The following AOPEP variants were observed in gnomAD, a reference collection of about 807,000 sequenced individuals.
AOPEP encodes aminopeptidase O (putative).
Under a neutral mutation model 98.1 loss-of-function variants are expected in AOPEP, and 77 were observed. That is an observed-to-expected ratio of 0.78 (90% CI 0.65 to 0.95). The LOEUF (loss-of-function observed/expected upper bound fraction) is 0.95. AOPEP is among the 40% of genes least tolerant of loss of function. The pLI, the probability that AOPEP is intolerant of heterozygous loss-of-function variation, is 0.00. For missense variants in AOPEP, 1,024 were observed against 1,024.7 expected (o/e 1.00, Z 0.01); for synonymous variants, 346 against 365.3 (o/e 0.95, Z 0.60).
intron 5 of AOPEP, among the ~76,000 whole-genome samples, chr9:94,843,957 T>C (rs532734153): frequency 5.4e-4 from 82 of 152,358 alleles, no homozygotes; most frequent in African/African-American, 1.8e-3. Flanking sequence ...GGTAAAGTTA[T>C]TACTTCATCT....
intron 5 of AOPEP, among the ~76,000 whole-genome samples, chr9:94,912,659 G>A (rs979601760): frequency 4.6e-5 from 7 of 152,208 alleles, no homozygotes; most frequent in Non-Finnish European, 7.3e-5. Context: ...AGCTAGCAGA[G>A]ACTAAAGAGT....
At chr9:95,016,406 G>A (rs149721346) in intron 13 of AOPEP, among the ~76,000 whole-genome samples, 2 of 150,268 alleles carry the variant, frequency 1.3e-5, no homozygotes, top group Admixed American at 1.3e-4. Flanking sequence ...ACCACGCCTG[G>A]CTAATTTTTG....
chr9:95,016,245 A>ATTTTT (rs532120566), intron 13 of AOPEP, among the ~76,000 whole-genome samples: 2 of 123,654 alleles, frequency 1.6e-5, no homozygotes, highest in East Asian at 2.3e-4. Context: ...TTCTCTTGTG[A>ATTTTT]TTTTTTTTTT....
intron 13 of AOPEP, among the ~76,000 whole-genome samples, chr9:95,029,212 C>T (rs1406954104): frequency 6.6e-6 from 1 of 152,188 alleles, no homozygotes; most frequent in African/African-American, 2.4e-5. Flanking sequence ...AGAAGACCAG[C>T]CACACATTTC....
chr9:94,867,410 T>G (rs1396832781), intron 5 of AOPEP, among the ~76,000 whole-genome samples: 3 of 152,214 alleles, frequency 2.0e-5, no homozygotes, highest in Non-Finnish European at 4.4e-5. Context: ...CTGTTTGCTT[T>G]CAGAGGTCAC....
At chr9:95,099,933 G>C in the AOPEP span, 1 of 232,600 alleles carries the variant, frequency 4.3e-6, no homozygotes, top group East Asian at 6.1e-5. Flanking sequence ...CCTGTACACA[G>C]GACCACAGGA....
At chr9:95,017,035 C>CATATATAAAATGTATATATAA (rs2063063182) in intron 13 of AOPEP, among the ~76,000 whole-genome samples, 1 of 150,670 alleles carries the variant, frequency 6.6e-6, no homozygotes, top group Non-Finnish European at 1.5e-5. Context: ...TAAAATGTGG[C>CATATATAAAATGTATATATAA]AATTTTCTAC....
At chr9:95,051,410 A>C (rs560716760) in intron 13 of AOPEP, among the ~76,000 whole-genome samples, 2 of 151,558 alleles carry the variant, frequency 1.3e-5, no homozygotes, top group South Asian at 4.2e-4. Flanking sequence ...TTTAACTGTG[A>C]GTTTTGATTT....
At chr9:94,936,086 A>G (rs1372022084) in intron 7 of AOPEP, among the ~76,000 whole-genome samples, 1 of 151,998 alleles carries the variant, frequency 6.6e-6, no homozygotes, top group African/African-American at 2.4e-5. Context: ...TCTCTTCACC[A>G]CTTGCTTGTA....
intron 10 of AOPEP, among the ~76,000 whole-genome samples, chr9:94,971,093 C>T (rs761926974): frequency 2.8e-4 from 43 of 151,970 alleles, no homozygotes; most frequent in Non-Finnish European, 4.4e-4. Flanking sequence ...TTTGGATGGC[C>T]CCTGAGCCCT....
intron 5 of AOPEP, among the ~76,000 whole-genome samples, chr9:94,812,718 A>G (rs1453643186): frequency 2.0e-5 from 3 of 152,114 alleles, no homozygotes; most frequent in Non-Finnish European, 4.4e-5. Context: ...TGAGCCTTCA[A>G]ATAAGGACTT....
intron 13 of AOPEP, among the ~76,000 whole-genome samples, chr9:95,039,328 A>T (rs1407003577): frequency 4.6e-5 from 7 of 152,084 alleles, no homozygotes. Context: ...GCACTTTGGG[A>T]GGCTGAGGCG....
chr9:94,856,191 T>G (rs2044188032), intron 5 of AOPEP, among the ~76,000 whole-genome samples: 1 of 152,196 alleles, frequency 6.6e-6, no homozygotes, highest in Non-Finnish European at 1.5e-5. Context: ...CGTCCACACC[T>G]GCTGAGTGTC....
At chr9:95,130,879 A>T in the AOPEP span, among the ~76,000 whole-genome samples, 1 of 152,216 alleles carries the variant, frequency 6.6e-6, no homozygotes, top group Non-Finnish European at 1.5e-5. Flanking sequence ...AAACCTTCAC[A>T]TCTATCATGT....
chr9:95,060,163 T>G (rs2067205425), intron 13 of AOPEP, among the ~76,000 whole-genome samples: 1 of 152,248 alleles, frequency 6.6e-6, no homozygotes, highest in African/African-American at 2.4e-5. Context: ...TAATGGATTA[T>G]AAGTATGATT....
rs191524011 is a variant in AOPEP, at chr9:94,865,549, G to T, written c.1365-58437G>T. On this transcript the variant is annotated intron_variant, in intron 5 of 16. Coordinates refer to ENST00000375315, the MANE Select transcript of AOPEP (RefSeq NM_001193329.3). The stretch of plus-strand genomic sequence containing the variant: ...TTGCTGATTAGTGAGTCTTTTGCTA[G>T]GCTAGGGCTTAAACTGCTTTCAAGC... Among the ~76,000 whole-genome samples, 812 of 152,306 alleles carry T rather than the reference G, an allele frequency of 5.3e-3. 7 individuals are homozygous for T. Among genetic ancestry groups the T allele is most frequent in the Non-Finnish European group, 7.7e-3 (521 of 68,032 alleles).
At chr9:95,085,327 G>A (rs746460047) in intron 16 of AOPEP, 4 of 482,212 alleles carry the variant, frequency 8.3e-6, no homozygotes, top group East Asian at 6.3e-5. Flanking sequence ...AACCGTGGTC[G>A]CGCTCACTGC....
intron 7 of AOPEP, among the ~76,000 whole-genome samples, chr9:94,938,718 C>T (rs543542614): frequency 6.6e-6 from 1 of 152,266 alleles, no homozygotes; most frequent in African/African-American, 2.4e-5. Context: ...TTGAAGAACT[C>T]GTATGTGATC....
chr9:94,792,364 C>T (rs565063990), intron 3 of AOPEP, among the ~76,000 whole-genome samples: 2 of 152,280 alleles, frequency 1.3e-5, no homozygotes, highest in South Asian at 4.2e-4. Context: ...CTGCTTTGCT[C>T]ACTCTTTCAC....
Sources: gnomAD v4.1 joint callset for allele counts (sites outside exome capture counted in the v4.1 genomes callset) on GRCh38, gnomAD v4.1.1 for gene constraint, MANE v1.5 for transcripts, NCBI Gene and HGNC (gene_info 2026-07-23, HGNC 2026-07-21) for gene names.